Variants in CPQ observed in about 807,000 individuals in gnomAD.
The protein encoded by CPQ is Ser-Met dipeptidase.
CPQ carries 37 observed loss-of-function variants against 45.7 expected under a neutral mutation model. The ratio of observed to expected loss-of-function variants is 0.81; its 90% CI spans 0.62 to 1.07. The LOEUF (loss-of-function observed/expected upper bound fraction) is 1.07, where lower values mean the gene tolerates loss of function less well. Ranked by LOEUF, CPQ falls within the 50% of genes least tolerant of loss-of-function variation. CPQ has a pLI of 0.00. For missense variants in CPQ, 537 were observed against 572.9 expected (o/e 0.94, Z 0.64); for synonymous variants, 186 against 205.8 (o/e 0.90, Z 0.82).
chr8:96,801,129 C>T (rs1304817774), intron 2 of CPQ, among the ~76,000 whole-genome samples: 1 of 152,076 alleles, frequency 6.6e-6, no homozygotes, highest in East Asian at 1.9e-4. Flanking sequence ...GCGTACACCA[C>T]AACGCCCAGC....
chr8:96,747,376 A>G (rs1481893793), intron 1 of CPQ, among the ~76,000 whole-genome samples: 1 of 151,930 alleles, frequency 6.6e-6, no homozygotes, highest in Non-Finnish European at 1.5e-5. Context: ...AAGTATGGTT[A>G]TTGAATCCCT....
At chr8:96,788,802 T>C (rs1453599926) in intron 2 of CPQ, among the ~76,000 whole-genome samples, 1 of 152,048 alleles carries the variant, frequency 6.6e-6, no homozygotes, top group Non-Finnish European at 1.5e-5. Flanking sequence ...TCTCTTATGC[T>C]CTGCTCATTT....
rs549182617 is a variant in CPQ, at chr8:96,855,057, C to T, written c.641+19877C>T. On this transcript the variant is annotated intron_variant, in intron 3 of 7. Transcript: ENST00000220763. ...ATATCCCAGTTTGAGGGCAGCAGGG[C>T]AGGAGGAATTCTCTCTTCCTTGGGG... Among the ~76,000 whole-genome samples the T allele has an allele frequency of 3.3e-5, 5 of 152,224 alleles. No individual in the cohort carries two copies. The South Asian group carries it at 1.0e-3, about 32-fold the overall frequency.
intron 1 of CPQ, among the ~76,000 whole-genome samples, chr8:96,703,105 G>A (rs1809489465): frequency 6.6e-6 from 1 of 152,174 alleles, no homozygotes; most frequent in Non-Finnish European, 1.5e-5. Flanking sequence ...TGATGAAAGT[G>A]TTATGACCAG....
intron 1 of CPQ, among the ~76,000 whole-genome samples, chr8:96,650,304 T>C (rs1815563254): frequency 6.6e-6 from 1 of 152,230 alleles, no homozygotes; most frequent in Non-Finnish European, 1.5e-5. Flanking sequence ...TAAGGAATTC[T>C]ATGACAAACA....
intron 6 of CPQ, among the ~76,000 whole-genome samples, chr8:97,045,996 C>T (rs534591195): frequency 5.3e-5 from 8 of 152,322 alleles, no homozygotes; most frequent in Non-Finnish European, 8.8e-5. Flanking sequence ...GGGAACTGAG[C>T]CCCAGAATTG....
In CPQ at chr8:96,912,942, C is replaced by T. The variant is rs536837707; in HGVS notation, c.849+32937C>T. 2.0e-5 allele frequency among the ~76,000 whole-genome samples: 3 copies of T among 152,332 alleles called. No individual in the cohort carries two copies. The East Asian group carries it at 5.8e-4, about 29-fold the overall frequency. On this transcript the variant is annotated intron_variant, in intron 4 of 7. Transcript: ENST00000220763. ...CAAGCCATGCCACATGCAGACATCT[C>T]ATCTGATAATGACATTCTCACTCTG...
chr8:96,765,004 T>G (rs909195717), intron 1 of CPQ, among the ~76,000 whole-genome samples: 1 of 152,232 alleles, frequency 6.6e-6, no homozygotes, highest in African/African-American at 2.4e-5. Context: ...GCACCTGCCT[T>G]TGTTAAAATC....
At chr8:96,681,674 A>G (rs1809154203) in intron 1 of CPQ, among the ~76,000 whole-genome samples, 1 of 152,176 alleles carries the variant, frequency 6.6e-6, no homozygotes, top group Non-Finnish European at 1.5e-5. Context: ...ACCATCCTCC[A>G]GACTGATAGA....
intron 7 of CPQ, among the ~76,000 whole-genome samples, chr8:97,101,470 ATC>A (rs143589471): frequency 2.1e-4 from 32 of 149,932 alleles, no homozygotes; most frequent in Admixed American, 3.3e-4. Flanking sequence ...AAGATATACT[ATC>A]TCTCTCTCTC....
chr8:97,062,104 A>C (rs1213536187), intron 6 of CPQ, among the ~76,000 whole-genome samples: 1 of 152,172 alleles, frequency 6.6e-6, no homozygotes, highest in Non-Finnish European at 1.5e-5. Context: ...CCCTGTCCCT[A>C]GGACATCTGT....
At chr8:97,035,800 A>C (rs982047953) in intron 6 of CPQ, among the ~76,000 whole-genome samples, 3 of 151,982 alleles carry the variant, frequency 2.0e-5, no homozygotes, top group Non-Finnish European at 4.4e-5. Context: ...CTCCGCCTCC[A>C]GGGTTCACGC....
intron 7 of CPQ, among the ~76,000 whole-genome samples, chr8:97,093,295 C>T (rs1248950696): frequency 6.6e-6 from 1 of 152,166 alleles, no homozygotes; most frequent in Admixed American, 6.6e-5. Flanking sequence ...GGACCTACCA[C>T]TTGACCCAGC....
At chr8:96,772,042 G>A (rs560507585) in intron 1 of CPQ, among the ~76,000 whole-genome samples, 4 of 152,280 alleles carry the variant, frequency 2.6e-5, no homozygotes, top group East Asian at 3.9e-4. Context: ...AGAGGTATGA[G>A]TAGGGTATAT....
chr8:96,884,208 CTCCTTTATCACTG>C (rs1317914621), intron 4 of CPQ, among the ~76,000 whole-genome samples: 3 of 152,182 alleles, frequency 2.0e-5, no homozygotes, highest in Admixed American at 6.5e-5. Flanking sequence ...TTCATTCCCT[CTCCTTTATCACTG>C]TCCTACAGTC....
intron 4 of CPQ, among the ~76,000 whole-genome samples, chr8:96,907,302 T>C (rs139242331): frequency 0.016 from 2,418 of 152,276 alleles, 35 homozygotes; most frequent in South Asian, 0.036. Context: ...ACTGCCATCA[T>C]TTACTTTGCA....
intron 4 of CPQ, among the ~76,000 whole-genome samples, chr8:96,927,116 G>A (rs1056490018): frequency 1.3e-5 from 2 of 152,158 alleles, no homozygotes; most frequent in African/African-American, 4.8e-5. Context: ...CTTTAAATAT[G>A]ACATACTTTC....
At chr8:96,778,837 G>A (rs1409640670) in intron 1 of CPQ, among the ~76,000 whole-genome samples, 1 of 152,006 alleles carries the variant, frequency 6.6e-6, no homozygotes, top group African/African-American at 2.4e-5. Flanking sequence ...GAGGCTGATG[G>A]GGGTGGATCA....
At chr8:96,848,293 G>A (rs578255688) in intron 3 of CPQ, among the ~76,000 whole-genome samples, 166 of 152,172 alleles carry the variant, frequency 1.1e-3, no homozygotes, top group Middle Eastern at 6.8e-3. Context: ...TAATTTGGGG[G>A]CCTCTTTAAG....
Sources: allele counts gnomAD v4.1 joint callset (sites outside exome capture counted in the v4.1 genomes callset), GRCh38; gene constraint gnomAD v4.1.1; transcripts MANE v1.5; gene names NCBI Gene and HGNC (gene_info 2026-07-23, HGNC 2026-07-21).